The following UST variants were observed in gnomAD, a reference collection of about 807,000 sequenced individuals.
UST encodes the protein uronyl 2-sulfotransferase.
Under a neutral mutation model 45.6 loss-of-function variants are expected in UST, and 21 were observed. The ratio of observed to expected loss-of-function variants is 0.46; its 90% CI spans 0.33 to 0.66. The LOEUF is 0.66. Among genes scored for constraint, UST ranks in the 30% least tolerant of loss-of-function variants. UST has a pLI of 0.02. For missense variants in UST, 463 were observed against 512.4 expected (o/e 0.90, Z 0.93); for synonymous variants, 215 against 200.6 (o/e 1.07, Z -0.61).
At position 148,748,398 on chromosome 6, in the gene UST, CTTGTGTGTGT is replaced by C. The variant is rs1393009985; in HGVS notation, c.247+722_247+731del. Among the ~76,000 whole-genome samples the C allele has an allele frequency of 1.7e-5, 2 of 116,144 alleles. No individual in the cohort carries two copies. The highest frequency in any genetic ancestry group is 3.0e-4 in the South Asian group (1 of 3,376). 76.2% of individuals were successfully genotyped at this position (116,144 alleles called of 152,430 possible). Reference sequence around the variant, plus strand: ...TGTGCGTCTCAAGCTCAAGTCAAAACTTGTGTGTGTGTGTGTGTGTGTGTGTGTGTGTGTG... The same window carrying C: ...TGTGCGTCTCAAGCTCAAGTCAAAACGTGTGTGTGTGTGTGTGTGTGTGTG... On this transcript the variant is annotated intron_variant, in intron 1 of 7. Coordinates refer to ENST00000367463, the MANE Select transcript of UST (RefSeq NM_005715.3). The surrounding 1 kb of genome is among the most constrained non-coding windows in gnomAD (Gnocchi z 5.3).
chr6:148,972,017 CA>C (rs1562317051), intron 5 of UST, among the ~76,000 whole-genome samples: 1 of 152,164 alleles, frequency 6.6e-6, no homozygotes, highest in Non-Finnish European at 1.5e-5. Context: ...CAGGTGGGGT[CA>C]GGGGCAGCAA....
At chr6:148,761,233 C>T (rs1011370643) in intron 1 of UST, among the ~76,000 whole-genome samples, 7 of 152,190 alleles carry the variant, frequency 4.6e-5, no homozygotes, top group Admixed American at 2.0e-4. Context: ...TCCCCTGAGA[C>T]GCCCTCTCTG....
chr6:148,829,668 T>C (rs1160094712), intron 1 of UST, among the ~76,000 whole-genome samples: 1 of 152,106 alleles, frequency 6.6e-6, no homozygotes, highest in East Asian at 1.9e-4. Flanking sequence ...GTTCTCCTTA[T>C]TTTTACCCTC....
chr6:148,796,753 A>C (rs1012720648), intron 1 of UST, among the ~76,000 whole-genome samples: 12 of 148,950 alleles, frequency 8.1e-5, no homozygotes, highest in African/African-American at 2.7e-4. Context: ...GGCTCTCTTC[A>C]TGCCGCAGTG....
intron 1 of UST, among the ~76,000 whole-genome samples, chr6:148,878,943 A>T (rs1282107029): frequency 6.6e-6 from 1 of 152,040 alleles, no homozygotes; most frequent in East Asian, 1.9e-4. Flanking sequence ...CTCTGGACAG[A>T]TAGAGGGTGA....
chr6:148,978,839 ATTT>A (rs149224452), intron 5 of UST, among the ~76,000 whole-genome samples: 1 of 151,686 alleles, frequency 6.6e-6, no homozygotes, highest in African/African-American at 2.4e-5. Context: ...TAAGGTAAAA[ATTT>A]TTTTAAAAAA....
chr6:148,760,741 A>AAAAC (rs1562559337), intron 1 of UST, among the ~76,000 whole-genome samples: 63 of 151,318 alleles, frequency 4.2e-4, no homozygotes, highest in African/African-American at 1.3e-3. Flanking sequence ...CAAAACAAAA[A>AAAAC]AAAACCACAA....
chr6:148,956,701 G>A (rs896046191), intron 4 of UST, among the ~76,000 whole-genome samples: 1 of 152,194 alleles, frequency 6.6e-6, no homozygotes. Context: ...GGACAGGGCT[G>A]GGCTCTGCTT....
At chr6:148,989,802 CAAAT>C (rs1401876258) in intron 5 of UST, among the ~76,000 whole-genome samples, 1 of 152,186 alleles carries the variant, frequency 6.6e-6, no homozygotes, top group African/African-American at 2.4e-5. Flanking sequence ...GCCACTTCCT[CAAAT>C]AAAGGAGTCA....
In UST at chr6:148,941,074, A is replaced by C. The variant is rs529703495; in HGVS notation, c.292-205A>C. Among the ~76,000 whole-genome samples, 62 of 152,354 alleles carry C rather than the reference A, an allele frequency of 4.1e-4. 2 individuals are homozygous for C. The Middle Eastern group carries it at 0.01, about 25-fold the overall frequency. Reference sequence around the variant, plus strand: ...TTCATCAGTGCAGAGAGTTAAGAAGACCAACATTTCTCTTGTTATATCATG... The same window carrying C: ...TTCATCAGTGCAGAGAGTTAAGAAGCCCAACATTTCTCTTGTTATATCATG... On this transcript the variant is annotated intron_variant, in intron 2 of 7. Transcript: ENST00000367463.
chr6:148,938,351 A>G (rs978377285), intron 2 of UST, among the ~76,000 whole-genome samples: 4 of 152,222 alleles, frequency 2.6e-5, no homozygotes, highest in Non-Finnish European at 5.9e-5. Flanking sequence ...AAAAAAATAC[A>G]TAATGGAAAA....
At chr6:149,059,485 C>T (rs1345443497) in intron 7 of UST, among the ~76,000 whole-genome samples, 1 of 152,256 alleles carries the variant, frequency 6.6e-6, no homozygotes, top group Non-Finnish European at 1.5e-5. Flanking sequence ...CTGTGAGGAG[C>T]ATCCTTCCCA....
At chr6:148,996,054 G>A (rs938132057) in intron 5 of UST, among the ~76,000 whole-genome samples, 5 of 152,242 alleles carry the variant, frequency 3.3e-5, no homozygotes, top group African/African-American at 7.2e-5. Context: ...TAAGAGCAGC[G>A]TTGAAGGATG....
chr6:148,864,088 C>T (rs917120410), intron 1 of UST, among the ~76,000 whole-genome samples: 6 of 152,216 alleles, frequency 3.9e-5, no homozygotes, highest in African/African-American at 1.4e-4. Flanking sequence ...TTCAGCTGTG[C>T]CCTGCCCCCA....
intron 1 of UST, among the ~76,000 whole-genome samples, chr6:148,812,048 TATTTGCAGA>T (rs1409782336): frequency 2.6e-5 from 4 of 152,246 alleles, no homozygotes; most frequent in Non-Finnish European, 5.9e-5. Context: ...TTGCAATTTG[TATTTGCAGA>T]TTTTTTTTTC....
intron 1 of UST, among the ~76,000 whole-genome samples, chr6:148,791,874 G>A (rs973375732): frequency 6.6e-6 from 1 of 152,130 alleles, no homozygotes; most frequent in South Asian, 2.1e-4. Flanking sequence ...ATTGTTGAGC[G>A]AGTAAGTCAG....
At chr6:148,819,915 G>A (rs1777424135) in intron 1 of UST, among the ~76,000 whole-genome samples, 1 of 152,156 alleles carries the variant, frequency 6.6e-6, no homozygotes, top group African/African-American at 2.4e-5. Context: ...CTCTTCTGGG[G>A]GTTTATACCC....
At chr6:148,862,965 A>AT (rs1778349573) in intron 1 of UST, among the ~76,000 whole-genome samples, 2 of 152,142 alleles carry the variant, frequency 1.3e-5, no homozygotes, top group South Asian at 4.2e-4. Context: ...GAATCTGACA[A>AT]TTAGGTGTCT....
chr6:149,011,815 A>C (rs1212882923), intron 5 of UST, among the ~76,000 whole-genome samples: 2 of 151,964 alleles, frequency 1.3e-5, no homozygotes, highest in Admixed American at 1.3e-4. Flanking sequence ...TCATCTCAAA[A>C]AACAAACAAA....
Sources: gnomAD v4.1 joint callset for allele counts (sites outside exome capture counted in the v4.1 genomes callset) on GRCh38, gnomAD v4.1.1 for gene constraint, Gnocchi (gnomAD v3.1) non-coding constraint, MANE v1.5 for transcripts, NCBI Gene and HGNC (gene_info 2026-07-23, HGNC 2026-07-21) for gene names.